Variants in BPTF observed in about 807,000 individuals in gnomAD.
The protein encoded by BPTF is nucleosome-remodeling factor subunit BPTF.
In BPTF, 18 loss-of-function variants were observed where a neutral mutation model predicts 292.5. The observed-to-expected ratio is 0.06, with a 90% CI of 0.04 to 0.09. The LOEUF is 0.09. BPTF is among the 10% of genes least tolerant of loss of function. The pLI, the probability that BPTF is intolerant of heterozygous loss-of-function variation, is 1.00. For missense variants in BPTF, 2,726 were observed against 3,498.7 expected (o/e 0.78, Z 5.57); for synonymous variants, 1,225 against 1,251.9 (o/e 0.98, Z 0.45).
chr17:67,958,975 A>C (rs1352046665), intron 23 of BPTF, among the ~76,000 whole-genome samples: 4 of 152,094 alleles, frequency 2.6e-5, no homozygotes, highest in African/African-American at 4.8e-5. Context: ...ATGAAAAGAA[A>C]GTTATCTTTT....
intron 23 of BPTF, among the ~76,000 whole-genome samples, chr17:67,950,689 A>T (rs538298622): frequency 1.3e-5 from 2 of 151,846 alleles, no homozygotes; most frequent in East Asian, 3.9e-4. Flanking sequence ...AATACAAAAA[A>T]ATTAGTCAGG....
chr17:67,911,671 G>C lies in BPTF; in HGVS notation c.3787G>C (p.Asp1263His). ...LHSSVPKSTN[D>H]RDATPLSRAM... ...TTCATCAGTGCCTAAAAGTACCAAT[G>C]ACAGAGATGCCACACCTCTGTCAAG... Residue 1263 changes from aspartate (D) to histidine (H), a missense_variant, in exon 11 of 28, where the codon GAC becomes CAC. Physicochemically the swap from Asp to His is moderately conservative, Grantham distance 81. Transcript: ENST00000306378. 1 of 1,614,162 alleles carries C rather than the reference G, an allele frequency of 6.2e-7. No homozygotes were observed.
At chr17:67,956,082 G>A (rs1401331973) in intron 23 of BPTF, 1 of 151,972 alleles carries the variant, frequency 6.6e-6, no homozygotes, top group Non-Finnish European at 1.5e-5. Context: ...ACTTTGGGAG[G>A]CCGAGGCGGG....
rs1035820708 is a variant in BPTF at position 67,920,528 on chromosome 17, G to A, written c.5557+385G>A. 3.3e-5 allele frequency among the ~76,000 whole-genome samples: 5 copies of A among 152,290 alleles called. No homozygotes were observed. The East Asian group carries it at 9.6e-4, about 29-fold the overall frequency. On this transcript the variant is annotated intron_variant, in intron 13 of 27. Transcript: ENST00000306378. The stretch of plus-strand genomic sequence containing the variant: ...AGGTTTCTTAAGGATTAAAACTACT[G>A]TGAAATACTTCAGTGCTCAAGGTAG...
chr17:67,853,937 C>T lies in BPTF; in HGVS notation c.614-3C>T, dbSNP rs914763670. 1 of 1,602,566 alleles carries T rather than the reference C, an allele frequency of 6.2e-7. No individual in the cohort carries two copies. The highest frequency in any genetic ancestry group is 1.3e-5 in the African/African-American group (1 of 74,444). Reference sequence around the variant, plus strand: ...TGTAATGATGTCACGTCTTTATCTACAGGTAGGCGAAAACCAAGAGTACAT... The same window carrying T: ...TGTAATGATGTCACGTCTTTATCTATAGGTAGGCGAAAACCAAGAGTACAT... On this transcript the variant is annotated splice_region_variant and splice_polypyrimidine_tract_variant and intron_variant, in intron 1 of 27. Coordinates refer to ENST00000306378, the MANE Select transcript of BPTF (RefSeq NM_182641.4).
intron 3 of BPTF, among the ~76,000 whole-genome samples, chr17:67,868,406 A>G (rs1300982084): frequency 6.6e-6 from 1 of 152,196 alleles, no homozygotes; most frequent in African/African-American, 2.4e-5. Flanking sequence ...CCCTCTGCAG[A>G]TAGCAAAATC....
At chr17:67,928,665 G>T (rs910724734) in intron 16 of BPTF, 64 bp downstream of exon 16, 1 of 1,490,838 alleles carries the variant, frequency 6.7e-7, no homozygotes. Flanking sequence ...CAACCCTTTA[G>T]CTACTGAAAT....
intron 7 of BPTF, among the ~76,000 whole-genome samples, chr17:67,896,027 G>C (rs1417568320): frequency 6.7e-6 from 1 of 149,556 alleles, no homozygotes; most frequent in Non-Finnish European, 1.5e-5. Flanking sequence ...GCAGTGGCGT[G>C]ATCTCGGCTC....
intron 1 of BPTF, among the ~76,000 whole-genome samples, chr17:67,831,892 TTTTA>T (rs964557929): frequency 1.3e-5 from 2 of 152,058 alleles, no homozygotes; most frequent in African/African-American, 4.8e-5. Context: ...ATTATTCTAA[TTTTA>T]TTTATTTATT....
At chr17:67,893,323 A>G (rs771701568) in intron 5 of BPTF, 47 bp from the exon 6 acceptor site, 10 of 1,168,498 alleles carry the variant, frequency 8.6e-6, no homozygotes, top group South Asian at 6.5e-5. Context: ...TGAAATTCAC[A>G]TCTTTGATTG....
intron 7 of BPTF, among the ~76,000 whole-genome samples, chr17:67,902,591 T>A (rs2061919240): frequency 6.6e-6 from 1 of 152,138 alleles, no homozygotes; most frequent in Non-Finnish European, 1.5e-5. Context: ...GAATGTTTGC[T>A]ACACCAGTTG....
chr17:67,839,041 A>C (rs374420324), intron 1 of BPTF, among the ~76,000 whole-genome samples: 7 of 152,152 alleles, frequency 4.6e-5, no homozygotes, highest in Non-Finnish European at 8.8e-5. Flanking sequence ...AAAATGAATC[A>C]TATGTACACA....
At chr17:67,905,485 T>C (rs1384747140) in intron 9 of BPTF, among the ~76,000 whole-genome samples, 2 of 151,726 alleles carry the variant, frequency 1.3e-5, no homozygotes, top group Non-Finnish European at 2.9e-5. Flanking sequence ...GGCAGGAGGA[T>C]CACTTGAGGC....
chr17:67,977,216 A>T (rs1555694446), intron 27 of BPTF, among the ~76,000 whole-genome samples: 2 of 152,174 alleles, frequency 1.3e-5, no homozygotes, highest in Admixed American at 6.6e-5. Context: ...AGGTATTTTT[A>T]AAAAGTGTGT....
chr17:67,845,807 A>C (rs2057987309), intron 1 of BPTF, among the ~76,000 whole-genome samples: 1 of 149,574 alleles, frequency 6.7e-6, no homozygotes, highest in South Asian at 2.1e-4. Flanking sequence ...TATATTTATA[A>C]CTATGTATTT....
At chr17:67,940,856 T>C (rs1598801631) in intron 19 of BPTF, among the ~76,000 whole-genome samples, 200 bp downstream of exon 19, 1 of 152,316 alleles carries the variant, frequency 6.6e-6, no homozygotes, top group African/African-American at 2.4e-5. Context: ...GACAGTGAGC[T>C]AAAACAGTGA....
intron 19 of BPTF, among the ~76,000 whole-genome samples, chr17:67,942,289 T>G (rs538645891): frequency 1.3e-5 from 2 of 149,836 alleles, no homozygotes; most frequent in South Asian, 4.3e-4. Flanking sequence ...CACTCCAACC[T>G]AGGCAACAGA....
Position 67,869,827 on chromosome 17 carries a change from CAAAAAA to C in BPTF, c.1660+3160_1660+3165del, listed in dbSNP as rs772941425. Among the ~76,000 whole-genome samples, 82 of 56,432 alleles carry C rather than the reference CAAAAAA, an allele frequency of 1.5e-3. 1 individual carries two copies. The highest frequency in any genetic ancestry group is 2.6e-3 in the Non-Finnish European group (75 of 28,936). 37.0% of individuals were successfully genotyped at this position (56,432 alleles called of 152,430 possible). ...TGAAACCCCGTCTCTACTAAAAATA[CAAAAAA>C]AAAAAAAAAAAAAAAAAAATTAGCC... On this transcript the variant is annotated intron_variant, in intron 3 of 27. Coordinates refer to ENST00000306378, the MANE Select transcript of BPTF (RefSeq NM_182641.4).
At chr17:67,946,674 T>C (rs1353500544) in intron 21 of BPTF, among the ~76,000 whole-genome samples, 2 of 152,244 alleles carry the variant, frequency 1.3e-5, no homozygotes, top group Admixed American at 6.5e-5. Context: ...TTTAAAGTTA[T>C]TGAAAGTTGT....
Sources: allele counts gnomAD v4.1 joint callset (sites outside exome capture counted in the v4.1 genomes callset), GRCh38; gene constraint gnomAD v4.1.1; transcripts MANE v1.5; gene names NCBI Gene and HGNC (gene_info 2026-07-23, HGNC 2026-07-21).